The following DOCK4 variants were observed in gnomAD, a reference collection of about 807,000 sequenced individuals.
The protein encoded by DOCK4 is dedicator of cytokinesis protein 4.
Under a neutral mutation model 268.1 loss-of-function variants are expected in DOCK4, and 97 were observed. The ratio of observed to expected loss-of-function variants is 0.36; its 90% CI spans 0.31 to 0.43. The LOEUF (loss-of-function observed/expected upper bound fraction) is 0.43. Among genes scored for constraint, DOCK4 ranks in the 20% least tolerant of loss-of-function variants. DOCK4 has a pLI of 1.00. For synonymous variants in DOCK4, 954 were observed against 887.2 expected (o/e 1.08, Z -1.34); for missense variants, 2,145 against 2,455.7 (o/e 0.87, Z 2.67).
rs1801161054 is a variant in DOCK4 at position 111,811,878 on chromosome 7, T to C, written c.3002A>G (p.Tyr1001Cys). 1.3e-6 allele frequency: 2 copies of C among 1,505,786 alleles called. No homozygotes were observed. Among genetic ancestry groups the C allele is most frequent in the African/African-American group, 2.8e-5 (2 of 71,880 alleles). The allele number at this position is 1,505,786 out of a possible 1,614,324, so 93.3% of individuals were successfully genotyped here. A position where few individuals can be genotyped will look rare whatever the true frequency, so the allele number is the denominator to read the frequency against. The change falls in exon 28 of 53, where the codon TAT becomes TGT. Residue 1001 changes from tyrosine (Y) to cysteine (C), a missense_variant. Around this residue, in one of 2 missense-constraint regions of DOCK4, gnomAD observed 1,598 missense variants for 1,986.7 expected, o/e 0.80. Coordinates refer to ENST00000428084, the MANE Select transcript of DOCK4 (RefSeq NM_001363540.2). ...GTCATATAAATGAATGCTTACCTTA[T>C]AATCAAAGTTTTCATTTAAGAAGTT... Reference protein sequence around the residue: ...RKNFLNENFDYKIWDSYFYLA... With the variant: ...RKNFLNENFDCKIWDSYFYLA...
intron 52 of DOCK4, among the ~76,000 whole-genome samples, chr7:111,731,306 A>G (rs2133365455): frequency 6.6e-6 from 1 of 152,312 alleles, no homozygotes; most frequent in South Asian, 2.1e-4. Flanking sequence ...AACTATCGTT[A>G]GCACCACAGA....
At chr7:111,981,516 C>G (rs1798607091) in intron 7 of DOCK4, among the ~76,000 whole-genome samples, 2 of 152,020 alleles carry the variant, frequency 1.3e-5, no homozygotes, top group South Asian at 4.2e-4. Flanking sequence ...TACCCCGGAA[C>G]TTAAAATAGA....
intron 1 of DOCK4, among the ~76,000 whole-genome samples, chr7:112,183,969 C>A (rs569300458): frequency 1.3e-5 from 2 of 152,144 alleles, no homozygotes; most frequent in East Asian, 1.9e-4. Flanking sequence ...CCAGGATGCA[C>A]GCACCTGCCC....
At chr7:112,191,503 T>A (rs891173194) in intron 1 of DOCK4, among the ~76,000 whole-genome samples, 5 of 151,500 alleles carry the variant, frequency 3.3e-5, no homozygotes, top group African/African-American at 1.2e-4. Flanking sequence ...CACAGACCAA[T>A]GCTAGAGTAA....
At chr7:112,173,210 A>C (rs956380167) in intron 1 of DOCK4, among the ~76,000 whole-genome samples, 1 of 152,188 alleles carries the variant, frequency 6.6e-6, no homozygotes, top group African/African-American at 2.4e-5. Flanking sequence ...AGAAAACAAA[A>C]CAGCTAAAAA....
chr7:111,806,090 A>AT (rs1367919979), intron 30 of DOCK4, among the ~76,000 whole-genome samples: 3 of 152,330 alleles, frequency 2.0e-5, no homozygotes, highest in Middle Eastern at 3.4e-3. Context: ...ATACTTGCAT[A>AT]TATCCAGTGC....
chr7:111,813,914 CT>C (rs1233798559), intron 27 of DOCK4, among the ~76,000 whole-genome samples: 1 of 152,184 alleles, frequency 6.6e-6, no homozygotes, highest in Non-Finnish European at 1.5e-5. Context: ...CACTGGACTT[CT>C]AAGTTTAAAG....
chr7:111,940,910 A>G (rs1280039631), intron 10 of DOCK4, among the ~76,000 whole-genome samples: 1 of 152,360 alleles, frequency 6.6e-6, no homozygotes, highest in South Asian at 2.1e-4. Flanking sequence ...TTGAAATATA[A>G]CAAGTTAATG....
chr7:111,878,293 A>G (rs537682284), intron 16 of DOCK4, among the ~76,000 whole-genome samples: 13 of 152,356 alleles, frequency 8.5e-5, no homozygotes, highest in Middle Eastern at 3.4e-3. Flanking sequence ...AAATCTGTAC[A>G]TTGACTAAAT....
At chr7:112,046,631 C>G (rs1467367852) in intron 1 of DOCK4, among the ~76,000 whole-genome samples, 3 of 152,108 alleles carry the variant, frequency 2.0e-5, no homozygotes, top group African/African-American at 7.2e-5. Flanking sequence ...TGCACTCCAG[C>G]CTGGGTGACA....
At chr7:111,747,201 G>T in intron 43 of DOCK4, 66 bp downstream of exon 43, 1 of 1,500,562 alleles carries the variant, frequency 6.7e-7, no homozygotes. Context: ...TCTGAAAAAA[G>T]ATTCATGAAA....
At chr7:111,815,600 T>C (rs1289678261) in intron 27 of DOCK4, among the ~76,000 whole-genome samples, 1 of 151,906 alleles carries the variant, frequency 6.6e-6, no homozygotes, top group East Asian at 1.9e-4. Context: ...ATTTATTTAT[T>C]CATTTATTTA....
At chr7:111,860,933 T>C (rs1805458445) in intron 23 of DOCK4, among the ~76,000 whole-genome samples, 2 of 152,224 alleles carry the variant, frequency 1.3e-5, no homozygotes, top group African/African-American at 2.4e-5. Context: ...AATATTTTCC[T>C]TACATTTGAA....
Position 111,800,784 on chromosome 7 carries a change from A to G in DOCK4, c.3166+8037T>C, listed in dbSNP as rs114679430. 9.3e-3 allele frequency among the ~76,000 whole-genome samples: 1,414 copies of G among 152,178 alleles called. 21 individuals carry two copies. Among genetic ancestry groups the G allele is most frequent in the African/African-American group, 0.033 (1,376 of 41,522 alleles). On this transcript the variant is annotated intron_variant, in intron 30 of 52. Transcript: ENST00000428084. ...TAAATCAACCTCAGGAGAAGGCCCA[A>G]CTGCTGTTCCCCCACACGACACCCC...
At chr7:112,147,747 A>C (rs2116352591) in intron 1 of DOCK4, among the ~76,000 whole-genome samples, 1 of 151,880 alleles carries the variant, frequency 6.6e-6, no homozygotes, top group Non-Finnish European at 1.5e-5. Flanking sequence ...ACACGAGTGA[A>C]GAATCCATCC....
chr7:112,104,595 G>A lies in DOCK4; in HGVS notation c.38-100464C>T, dbSNP rs561854547. On this transcript the variant is annotated intron_variant, in intron 1 of 52. Transcript: ENST00000428084. Reference sequence around the variant, plus strand: ...TCAGAAGGAACTGGCTTCCCACCCCGCCTCATCTCCTGTATTGGAGAGCAT... The same window carrying A: ...TCAGAAGGAACTGGCTTCCCACCCCACCTCATCTCCTGTATTGGAGAGCAT... Among the ~76,000 whole-genome samples the A allele has an allele frequency of 1.5e-3, 227 of 152,204 alleles. 1 individual carries two copies. Among genetic ancestry groups the A allele is most frequent in the Non-Finnish European group, 1.9e-3 (129 of 68,002 alleles).
At chr7:111,802,869 A>AT (rs200516643) in intron 30 of DOCK4, among the ~76,000 whole-genome samples, 2,621 of 151,906 alleles carry the variant, frequency 0.017, 74 homozygotes, top group African/African-American at 0.06. Flanking sequence ...TACCCCAACT[A>AT]TTTTTTTTCT....
At chr7:111,952,850 A>G (rs1046731186) in intron 8 of DOCK4, among the ~76,000 whole-genome samples, 2 of 152,180 alleles carry the variant, frequency 1.3e-5, no homozygotes, top group Admixed American at 1.3e-4. Flanking sequence ...TTTTTTTTAT[A>G]CTCAAACCAA....
chr7:112,081,882 T>G (rs776510119), intron 1 of DOCK4, among the ~76,000 whole-genome samples: 2 of 151,910 alleles, frequency 1.3e-5, no homozygotes, highest in Non-Finnish European at 2.9e-5. Context: ...GATCACAGAG[T>G]AATGCGCAAG....
Sources: gnomAD v4.1 joint callset for allele counts (sites outside exome capture counted in the v4.1 genomes callset) on GRCh38, gnomAD v4.1.1 for gene constraint, gnomAD v4.1.1 regional missense constraint, MANE v1.5 for transcripts, NCBI Gene and HGNC (gene_info 2026-07-23, HGNC 2026-07-21) for gene names.